The following LRRC37A2 variants were observed in gnomAD, a reference collection of about 807,000 sequenced individuals.
The protein encoded by LRRC37A2 is leucine-rich repeat-containing protein 37A2.
A neutral mutation model predicts 68.8 loss-of-function variants in LRRC37A2; 9 were observed. The ratio of observed to expected loss-of-function variants is 0.13; its 90% confidence interval spans 0.08 to 0.23. The LOEUF (loss-of-function observed/expected upper bound fraction) is 0.23, where lower values mean the gene tolerates loss of function less well. Ranked by LOEUF, LRRC37A2 falls within the 10% of genes least tolerant of loss-of-function variation. The probability of loss-of-function intolerance (pLI) is 1.00; values close to 1 mark genes in which losing one functional copy is unlikely to be tolerated. For synonymous variants in LRRC37A2, 63 were observed against 367.6 expected, an observed-to-expected ratio of 0.17 and a Z score of 9.48; for missense variants, 168 against 950.4, an observed-to-expected ratio of 0.18 and a Z score of 10.82.
At chr17:46,805,705 T>G in the LRRC37A2 span, among the ~76,000 whole-genome samples, 1 of 152,200 alleles carries the variant, frequency 6.6e-6, no homozygotes, top group Non-Finnish European at 1.5e-5. Context: ...GGGCTGTGAT[T>G]GTACCACTGC....
At chr17:46,755,502 C>G in the LRRC37A2 span, 4 of 821,608 alleles carry the variant, frequency 4.9e-6, no homozygotes, top group Admixed American at 6.5e-5. Context: ...GTTGTAGGTC[C>G]GAGAGACCAA....
At chr17:46,820,145 C>G in the LRRC37A2 span, among the ~76,000 whole-genome samples, 1 of 152,226 alleles carries the variant, frequency 6.6e-6, no homozygotes, top group Non-Finnish European at 1.5e-5. Context: ...TCTGAGCCCC[C>G]CGTACCCACA....
the LRRC37A2 span, among the ~76,000 whole-genome samples, chr17:46,785,910 C>T: frequency 2.0e-5 from 3 of 152,202 alleles, no homozygotes; most frequent in Non-Finnish European, 4.4e-5. Context: ...CTTCTGTTCT[C>T]CAAAGCAGCT....
the LRRC37A2 span, chr17:46,936,784 A>T: frequency 1.0e-6 from 1 of 984,290 alleles, no homozygotes; most frequent in East Asian, 1.1e-4. Flanking sequence ...TCTCGGGGAA[A>T]AAAAAATACA....
chr17:46,494,517 C>T, the LRRC37A2 span, among the ~76,000 whole-genome samples: 1 of 149,734 alleles, frequency 6.7e-6, no homozygotes, highest in African/African-American at 2.5e-5. Flanking sequence ...TTTATGAACA[C>T]TGCAGTTTGA....
chr17:46,667,460 C>CTTT, the LRRC37A2 span, among the ~76,000 whole-genome samples: 7 of 128,210 alleles, frequency 5.5e-5, no homozygotes, highest in African/African-American at 1.7e-4. Flanking sequence ...GTTTGATTTT[C>CTTT]TTTTTTTTTT....
chr17:46,963,082 A>G, the LRRC37A2 span, among the ~76,000 whole-genome samples: 1 of 152,242 alleles, frequency 6.6e-6, no homozygotes, highest in South Asian at 2.1e-4. Context: ...CACACTCTCA[A>G]CCACTGCATT....
At chr17:46,808,042 A>C in the LRRC37A2 span, among the ~76,000 whole-genome samples, 2 of 152,368 alleles carry the variant, frequency 1.3e-5, no homozygotes, top group South Asian at 4.1e-4. Flanking sequence ...CACGTATATG[A>C]TGGAGACCAG....
chr17:47,014,352 T>C, the LRRC37A2 span, among the ~76,000 whole-genome samples: 1 of 145,778 alleles, frequency 6.9e-6, no homozygotes, highest in African/African-American at 2.6e-5. Context: ...ATCATGCCAC[T>C]GCACTCCAGC....
the LRRC37A2 span, among the ~76,000 whole-genome samples, chr17:46,809,474 A>G: frequency 1.3e-5 from 2 of 152,130 alleles, no homozygotes; most frequent in East Asian, 1.9e-4. Context: ...CCCCTCCCCA[A>G]CACACACGTA....
chr17:46,776,237 C>G, the LRRC37A2 span, among the ~76,000 whole-genome samples: 1 of 152,202 alleles, frequency 6.6e-6, no homozygotes, highest in Non-Finnish European at 1.5e-5. Flanking sequence ...CAGGCCTGGC[C>G]CATCTGCACC....
the LRRC37A2 span, among the ~76,000 whole-genome samples, chr17:46,945,376 T>C: frequency 6.6e-6 from 1 of 152,122 alleles, no homozygotes; most frequent in African/African-American, 2.4e-5. Context: ...CCTACTGTCC[T>C]AGGAAGACCT....
the LRRC37A2 span, among the ~76,000 whole-genome samples, chr17:46,631,078 A>ACACACACACACACACACACG: frequency 6.9e-6 from 1 of 144,766 alleles, no homozygotes; most frequent in African/African-American, 2.8e-5. Flanking sequence ...ACACACACAC[A>ACACACACACACACACACACG]CACACACACA....
chr17:46,900,200 T>TAC, the LRRC37A2 span, among the ~76,000 whole-genome samples: 610 of 100,858 alleles, frequency 6.0e-3, 3 homozygotes, highest in Middle Eastern at 0.023. Context: ...TATATATATA[T>TAC]ATACACACAC....
the LRRC37A2 span, among the ~76,000 whole-genome samples, chr17:46,840,044 CTT>C: frequency 1.5e-5 from 2 of 134,122 alleles, no homozygotes; most frequent in African/African-American, 5.6e-5. Flanking sequence ...TTCTTTCTTT[CTT>C]TCTCTCTCTC....
the LRRC37A2 span, among the ~76,000 whole-genome samples, chr17:46,827,350 G>T: frequency 3.9e-5 from 6 of 152,094 alleles, no homozygotes; most frequent in Admixed American, 3.9e-4. Context: ...AGTTTTTGGG[G>T]CTCTTAAAAT....
chr17:47,006,578 C>T, the LRRC37A2 span, among the ~76,000 whole-genome samples: 1 of 152,208 alleles, frequency 6.6e-6, no homozygotes, highest in Admixed American at 6.5e-5. Flanking sequence ...CACCACTGCA[C>T]TCCAGCCTGG....
the LRRC37A2 span, chr17:46,948,703 C>A: frequency 8.5e-5 from 13 of 152,366 alleles, no homozygotes; most frequent in East Asian, 2.5e-3. Flanking sequence ...CAGGATCTTA[C>A]TGCTGGGGTT....
chr17:46,872,634 G>A, the LRRC37A2 span: 2 of 1,613,596 alleles, frequency 1.2e-6, no homozygotes, highest in South Asian at 1.1e-5. Flanking sequence ...GGCGGCAGAA[G>A]CAGCTCTGCC....
Sources: gnomAD v4.1 joint callset for allele counts (sites outside exome capture counted in the v4.1 genomes callset) on GRCh38, gnomAD v4.1.1 for gene constraint, MANE v1.5 for transcripts, NCBI Gene and HGNC (gene_info 2026-07-23, HGNC 2026-07-21) for gene names.